TTN: variants seen among roughly 807,000 people sequenced by gnomAD.
TTN encodes the protein titin.
TTN carries 1,525 observed loss-of-function variants against 3,223.0 expected under a neutral mutation model. That is an observed-to-expected ratio of 0.47 (90% CI 0.45 to 0.49). The LOEUF is 0.49. Among genes scored for constraint, TTN ranks in the 20% least tolerant of loss-of-function variants. The probability of loss-of-function intolerance (pLI) is 0.00; values close to 1 mark genes in which losing one functional copy is unlikely to be tolerated. For synonymous variants in TTN, 14,094 were observed against 15,161.0 expected (o/e 0.93, Z 5.17); for missense variants, 40,786 against 43,424.0 (o/e 0.94, Z 5.40).
intron 111 of TTN, among the ~76,000 whole-genome samples, chr2:178,700,067 C>T (rs2074688437): frequency 6.6e-6 from 1 of 152,078 alleles, no homozygotes; most frequent in Admixed American, 6.5e-5. Flanking sequence ...ACAGTGAGTA[C>T]CAAACTTAGC....
rs1433336898 is a variant in TTN, at chr2:178,781,275, T to C, written c.3381-12A>G. 1 of 1,613,722 alleles carries C rather than the reference T, an allele frequency of 6.2e-7. No individual in the cohort carries two copies. Among genetic ancestry groups the C allele is most frequent in the Non-Finnish European group, 8.5e-7 (1 of 1,179,820 alleles). ...AACTCACTTTGTATCTTTATGTAAA[T>C]GTACAAAATTTAAAAATCAGTTATC... On this transcript the variant is annotated splice_polypyrimidine_tract_variant and intron_variant, in intron 20 of 362. Transcript: ENST00000589042.
At position 178,615,349 on chromosome 2, in the gene TTN, G is replaced by T; in HGVS notation, c.48596C>A (p.Ser16199Tyr). Residue 16199 changes from serine to tyrosine, a missense_variant, in exon 259 of 363, where the codon TCT becomes TAT. Physicochemically the swap from Ser to Tyr is moderately radical, Grantham distance 144. Transcript: ENST00000589042. ...TTCTCCACAGGCAACCCATTTATCA[G>T]AACCACGTGGACATCTTTCAACTAT... is the stretch of plus-strand genomic sequence containing the variant. Reference protein sequence around the residue: ...GYIVERCPRGSDKWVACGEPV... With the variant: ...GYIVERCPRGYDKWVACGEPV... The T allele has an allele frequency of 2.5e-6, 4 of 1,612,448 alleles. No individual in the cohort carries two copies. Among genetic ancestry groups the T allele is most frequent in the Non-Finnish European group, 2.5e-6 (3 of 1,179,000 alleles).
chr2:178,582,740 C>T, intron 313 of TTN, 148 bp from the exon 314 acceptor site: 1 of 954,412 alleles, frequency 1.0e-6, no homozygotes. Flanking sequence ...AGTTTCTTCA[C>T]TTGTAAAATT....
At position 178,775,614 on chromosome 2, in the gene TTN, T is replaced by C. The variant is rs369388581; in HGVS notation, c.6250A>G (p.Ile2084Val). ...SMEAPKIFER[I>V]QSQTVGQGSD... Reference sequence around the variant, plus strand: ...CCTTGGCCCACTGTTTGGCTCTGGATTCTTTCGAAGATTTTTGGAGCCTCC... The same window carrying C: ...CCTTGGCCCACTGTTTGGCTCTGGACTCTTTCGAAGATTTTTGGAGCCTCC... Residue 2084 changes from isoleucine (I) to valine (V), a missense_variant, in exon 28 of 363, where the codon ATC becomes GTC. Physicochemically the swap from Ile to Val is conservative, Grantham distance 29 (BLOSUM62 3). Transcript: ENST00000589042. The C allele has an allele frequency of 5.6e-6, 9 of 1,614,022 alleles. No homozygotes were observed. Among genetic ancestry groups the C allele is most frequent in the Non-Finnish European group, 6.8e-6 (8 of 1,180,012 alleles).
Position 178,579,632 on chromosome 2 carries a change from C to G in TTN, c.67565G>C (p.Arg22522Thr), listed in dbSNP as rs1221271318. Residue 22522 changes from arginine to threonine, a missense_variant, in exon 319 of 363, where the codon AGA becomes ACA. Arg to Thr is a moderately conservative substitution (Grantham distance 71). Coordinates refer to ENST00000589042, the MANE Select transcript of TTN (RefSeq NM_001267550.2). ...DLTEGKEYTF[R>T]VSAENENGEG... is the part of the protein sequence containing the mutation. ...TCCATTTTCATTCTCAGCACTCACTCTGAAGGTATATTCCTTCCCTTCAGT... is the reference window on the plus strand; with the variant it reads ...TCCATTTTCATTCTCAGCACTCACTGTGAAGGTATATTCCTTCCCTTCAGT... 1.2e-6 allele frequency: 2 copies of G among 1,613,378 alleles called. No individual in the cohort carries two copies. The highest frequency in any genetic ancestry group is 1.7e-5 in the Admixed American group (1 of 59,986).
chr2:178,563,495 G>C lies in TTN; in HGVS notation c.82637C>G (p.Ala27546Gly). 1 of 1,613,762 alleles carries C rather than the reference G, an allele frequency of 6.2e-7. No homozygotes were observed. The highest frequency in any genetic ancestry group is 2.2e-5 in the East Asian group (1 of 44,828). ...TTCTCCCACACCAGCTGCATTTTCA[G>C]CAGCAACTCTGAATTCATAGGAATG... ...EGHSYEFRVA[A>G]ENAAGVGEPS... The change falls in exon 326 of 363, where the codon GCT (alanine) becomes GGT (glycine). Residue 27546 changes from alanine (A) to glycine (G), a missense_variant. Physicochemically the swap from Ala to Gly is moderately conservative, Grantham distance 60. Transcript: ENST00000589042. The surrounding 1 kb of genome is among the most constrained non-coding windows in gnomAD (Gnocchi z 4.5).
chr2:178,767,972 A>C (rs760811803), intron 39 of TTN, 42 bp downstream of exon 39: 2 of 1,614,080 alleles, frequency 1.2e-6, no homozygotes, highest in South Asian at 1.1e-5. Context: ...GATTCAGAGG[A>C]AACTGGGAAT....
Position 178,568,449 on chromosome 2 carries a change from T to C in TTN, c.77683A>G (p.Lys25895Glu), listed in dbSNP as rs1706799678. The change falls in exon 326 of 363, where the codon AAA (lysine) becomes GAA (glutamate). Residue 25895 changes from lysine (K) to glutamate (E), a missense_variant. Transcript: ENST00000589042. The stretch of plus-strand genomic sequence containing the variant: ...ACGTCATCAAATTTAACAGGTCCTT[T>C]TGGAGGATCAGGTTTATCTAGAGTT... ...IVTLDKPDPP[K>E]GPVKFDDVSA... 6.2e-7 allele frequency: 1 copy of C among 1,613,298 alleles called. No individual in the cohort carries two copies. The highest frequency in any genetic ancestry group is 8.5e-7 in the Non-Finnish European group (1 of 1,179,558).
In TTN at chr2:178,724,481, C is replaced by T; in HGVS notation, c.20894G>A (p.Cys6965Tyr). The T allele has an allele frequency of 6.2e-7, 1 of 1,612,338 alleles. No individual in the cohort carries two copies. Among genetic ancestry groups the T allele is most frequent in the Non-Finnish European group, 8.5e-7 (1 of 1,178,776 alleles). Reference sequence around the variant, plus strand: ...GCCAGCCACCTTACACTCCAGAGTGCACGTTTCTCCTACAGTCACCGTCAT... The same window carrying T: ...GCCAGCCACCTTACACTCCAGAGTGTACGTTTCTCCTACAGTCACCGTCAT... ...GPMTVTVGETCTLECKVAGTP... is the reference protein window; with the variant it reads ...GPMTVTVGETYTLECKVAGTP... The change falls in exon 72 of 363, where the codon TGC becomes TAC. Residue 6965 changes from cysteine to tyrosine, a missense_variant. By Grantham distance (194) the Cys-to-Tyr change is radical. Coordinates refer to ENST00000589042, the MANE Select transcript of TTN (RefSeq NM_001267550.2).
At chr2:178,724,670 T>C in intron 71 of TTN, 132 bp from the exon 72 acceptor site, 1 of 860,390 alleles carries the variant, frequency 1.2e-6, no homozygotes, top group Non-Finnish European at 1.6e-6. Context: ...CTTTAAAGTG[T>C]GATTCCATAA....
At position 178,553,122 on chromosome 2, in the gene TTN, C is replaced by T. The variant is rs371342816; in HGVS notation, c.89778G>A (p.Val29926=). The T allele has an allele frequency of 8.1e-5, 131 of 1,611,672 alleles. No individual in the cohort carries two copies. Among genetic ancestry groups the T allele is most frequent in the Non-Finnish European group, 1.1e-4 (128 of 1,178,232 alleles). ...CTGGTGTGTCAAGCACTTTAACACT[C>T]ACAGTTGAAGACTTAGGTTCACCAA... ...NGVGEPKSST[V]SVKVLDTPAA... is the part of the protein sequence containing the mutation. The change falls in exon 335 of 363, where the codon GTG becomes GTA. Residue 29926 remains valine (V), a synonymous_variant. Coordinates refer to ENST00000589042, the MANE Select transcript of TTN (RefSeq NM_001267550.2).
In TTN at chr2:178,605,452, G is replaced by A; in HGVS notation, c.53843C>T (p.Pro17948Leu). 6.2e-7 allele frequency: 1 copy of A among 1,610,246 alleles called. No homozygotes were observed. The highest frequency in any genetic ancestry group is 8.5e-7 in the Non-Finnish European group (1 of 1,177,772). Residue 17948 changes from proline (P) to leucine (L), a missense_variant, in exon 279 of 363, where the codon CCA becomes CTA. Pro to Leu is a moderately conservative substitution (Grantham distance 98). Transcript: ENST00000589042. ...KAVNEIGESEPSLPLNVVIQD... is the reference protein window; with the variant it reads ...KAVNEIGESELSLPLNVVIQD... Reference sequence around the variant, plus strand: ...TATGACTACATTAAGAGGTAGGGATGGTTCACTTTCACCAATTTCATTGAC... The same window carrying A: ...TATGACTACATTAAGAGGTAGGGATAGTTCACTTTCACCAATTTCATTGAC...
chr2:178,640,680 GCACCT>G (rs776602186), intron 220 of TTN, 50 bp from the exon 221 acceptor site: 1 of 1,396,122 alleles, frequency 7.2e-7, no homozygotes, highest in South Asian at 1.3e-5. Context: ...TATTTAGGAA[GCACCT>G]CATCTGAAAT....
chr2:178,531,451 T>C lies in TTN; in HGVS notation c.105164A>G (p.Glu35055Gly), dbSNP rs773652277. The C allele has an allele frequency of 6.2e-7, 1 of 1,613,932 alleles. No individual in the cohort carries two copies. Among genetic ancestry groups the C allele is most frequent in the Non-Finnish European group, 8.5e-7 (1 of 1,179,884 alleles). Residue 35055 changes from glutamate (E) to glycine (G), a missense_variant, in exon 358 of 363, where the codon GAG becomes GGG. Coordinates refer to ENST00000589042, the MANE Select transcript of TTN (RefSeq NM_001267550.2). Reference sequence around the variant, plus strand: ...AGCATACGCCTCTGTTCTTGTCAGCTCAGGGAAAACAGATCTGGGGACCTC... The same window carrying C: ...AGCATACGCCTCTGTTCTTGTCAGCCCAGGGAAAACAGATCTGGGGACCTC... The part of the protein sequence containing the change: ...DEEVPRSVFP[E>G]LTRTEAYAVS...
intron 66 of TTN, 37 bp downstream of exon 66, chr2:178,728,463 A>G (rs376013775): frequency 6.3e-7 from 1 of 1,588,812 alleles, no homozygotes; most frequent in Non-Finnish European, 8.6e-7. Context: ...AGGACATACT[A>G]TAAATAAGGG....
In TTN at chr2:178,582,300, T is replaced by A. The variant is rs1273385272; in HGVS notation, c.66156A>T (p.Pro22052=). The part of the protein sequence containing the change: ...VFTEPAIAKN[P]YDPPGRCDPP... ...ACCACCGGGAAATGTTCCTACCATA[T>A]GGGTTTTTGGCAATTGCTGGTTCAG... The change falls in exon 314 of 363, where the codon CCA becomes CCT. Residue 22052 remains proline (P), a synonymous_variant. Coordinates refer to ENST00000589042, the MANE Select transcript of TTN (RefSeq NM_001267550.2). The A allele has an allele frequency of 6.3e-7, 1 of 1,585,088 alleles. No homozygotes were observed. Among genetic ancestry groups the A allele is most frequent in the East Asian group, 2.2e-5 (1 of 44,492 alleles).
At position 178,653,423 on chromosome 2, in the gene TTN, G is replaced by A. The variant is rs777871233; in HGVS notation, c.38707+4C>T. ...TCTGAAGCTTAAGGTCAAATGACAA[G>A]TACCTGTAACAGGTGGAACTTCTGG... On this transcript the variant is annotated splice_donor_region_variant and intron_variant, in intron 197 of 362. Transcript: ENST00000589042. 1.1e-5 allele frequency: 17 copies of A among 1,591,458 alleles called. No individual in the cohort carries two copies. Among genetic ancestry groups the A allele is most frequent in the African/African-American group, 6.7e-5 (5 of 74,446 alleles).
chr2:178,577,960 C>T (rs770001635), intron 322 of TTN, 28 bp downstream of exon 322: 14 of 1,598,840 alleles, frequency 8.8e-6, no homozygotes, highest in Non-Finnish European at 1.2e-5. Context: ...AAACATGCAC[C>T]TGGGTTTTTC....
Position 178,733,031 on chromosome 2 carries a change from C to A in TTN, c.16145G>T (p.Gly5382Val). 6.2e-7 allele frequency: 1 copy of A among 1,613,492 alleles called. No individual in the cohort carries two copies. Among genetic ancestry groups the A allele is most frequent in the Non-Finnish European group, 8.5e-7 (1 of 1,179,692 alleles). ...CCAGGACACCCTCATGGGGAGGGAG[C>A]CTGCAATTTTGCAGTCCAGTCTGCA... is the stretch of plus-strand genomic sequence containing the variant. ...GTCRLDCKIA[G>V]SLPMRVSWFK... Residue 5382 changes from glycine (G) to valine (V), a missense_variant, in exon 55 of 363, where the codon GGC (glycine) becomes GTC (valine). By Grantham distance (109) the Gly-to-Val change is moderately radical. Transcript: ENST00000589042.
Sources: gnomAD v4.1 joint callset for allele counts (sites outside exome capture counted in the v4.1 genomes callset) on GRCh38, gnomAD v4.1.1 for gene constraint, Gnocchi (gnomAD v3.1) non-coding constraint, MANE v1.5 for transcripts, NCBI Gene and HGNC (gene_info 2026-07-23, HGNC 2026-07-21) for gene names.